Variants in LSAMP observed in about 807,000 individuals in gnomAD.
LSAMP encodes limbic system-associated membrane protein.
LSAMP carries 7 observed loss-of-function variants against 38.6 expected under a neutral mutation model. The ratio of observed to expected loss-of-function variants is 0.18; its 90% CI spans 0.10 to 0.34. LSAMP has a LOEUF of 0.34. LSAMP is among the 10% of genes least tolerant of loss of function. The pLI is 1.00. For missense variants in LSAMP, 313 were observed against 420.0 expected (o/e 0.75, Z 2.23); for synonymous variants, 154 against 166.8 (o/e 0.92, Z 0.59).
chr3:116,444,370 G>A (rs952154179), intron 1 of LSAMP, among the ~76,000 whole-genome samples: 1 of 106,206 alleles, frequency 9.4e-6, no homozygotes, highest in African/African-American at 4.1e-5. Context: ...GTGTGTATGT[G>A]TGTGTGTGTG....
At chr3:115,926,654 C>A (rs939206376) in intron 3 of LSAMP, among the ~76,000 whole-genome samples, 1 of 152,098 alleles carries the variant, frequency 6.6e-6, no homozygotes, top group South Asian at 2.1e-4. Context: ...AGGATGCAGA[C>A]GTGCATCAGG....
chr3:116,185,208 A>G (rs923427730), intron 1 of LSAMP, among the ~76,000 whole-genome samples: 1 of 151,892 alleles, frequency 6.6e-6, no homozygotes, highest in Non-Finnish European at 1.5e-5. Context: ...GATCATCTCC[A>G]GACATATTCT....
In LSAMP at chr3:115,839,385, T is replaced by C. The variant is rs549986712; in HGVS notation, c.919+2460A>G. Among the ~76,000 whole-genome samples the C allele has an allele frequency of 3.3e-5, 5 of 151,836 alleles. No homozygotes were observed. In the South Asian group the frequency reaches 1.0e-3, roughly 32 times the overall value. ...TTTTCTTTTAGAACTCTGTGAAATA[T>C]AAAGTTCTAGCTATGCAGGTTGTAA... On this transcript the variant is annotated intron_variant, in intron 6 of 6. Coordinates refer to ENST00000490035, the MANE Select transcript of LSAMP (RefSeq NM_002338.5).
intron 3 of LSAMP, among the ~76,000 whole-genome samples, chr3:115,860,616 GA>G (rs1017523811): frequency 6.6e-6 from 1 of 152,094 alleles, no homozygotes; most frequent in Non-Finnish European, 1.5e-5. Context: ...TAAATGAGGG[GA>G]AAAAAGTTGA....
intron 3 of LSAMP, among the ~76,000 whole-genome samples, chr3:115,989,585 A>T (rs1170310942): frequency 6.6e-6 from 1 of 152,100 alleles, no homozygotes; most frequent in Non-Finnish European, 1.5e-5. Context: ...CTATAGTGCT[A>T]AAGAAAAAAA....
chr3:116,327,362 C>G (rs901700929), intron 1 of LSAMP, among the ~76,000 whole-genome samples: 1 of 152,110 alleles, frequency 6.6e-6, no homozygotes, highest in Non-Finnish European at 1.5e-5. Flanking sequence ...TTTGTTTATG[C>G]TATACCTTAG....
chr3:116,096,117 T>G (rs919310012), intron 1 of LSAMP, among the ~76,000 whole-genome samples: 1 of 152,184 alleles, frequency 6.6e-6, no homozygotes, highest in African/African-American at 2.4e-5. Flanking sequence ...AAAAAACATA[T>G]AGAGCAATGC....
At chr3:116,209,578 T>C (rs1382230059) in intron 1 of LSAMP, among the ~76,000 whole-genome samples, 1 of 152,108 alleles carries the variant, frequency 6.6e-6, no homozygotes, top group Non-Finnish European at 1.5e-5. Context: ...TTTCAGTATG[T>C]GTGTATGTTT....
At chr3:115,825,326 G>T (rs900742849) in intron 6 of LSAMP, among the ~76,000 whole-genome samples, 1 of 152,206 alleles carries the variant, frequency 6.6e-6, no homozygotes, top group Non-Finnish European at 1.5e-5. Flanking sequence ...ATTCTTTGGA[G>T]TTCCAGAATG....
At chr3:116,074,367 A>G (rs1707682687) in intron 2 of LSAMP, among the ~76,000 whole-genome samples, 1 of 152,194 alleles carries the variant, frequency 6.6e-6, no homozygotes, top group Non-Finnish European at 1.5e-5. Context: ...TTCTCATGAA[A>G]TGACCTTAAC....
At chr3:116,429,864 A>G (rs1474299373) in intron 1 of LSAMP, among the ~76,000 whole-genome samples, 1 of 152,208 alleles carries the variant, frequency 6.6e-6, no homozygotes, top group East Asian at 1.9e-4. Context: ...GAGGTTGACA[A>G]CAGGTAAAGA....
At chr3:116,306,299 G>A (rs1188771177) in intron 1 of LSAMP, among the ~76,000 whole-genome samples, 2 of 152,022 alleles carry the variant, frequency 1.3e-5, no homozygotes, top group Non-Finnish European at 2.9e-5. Flanking sequence ...AATGTTTAGA[G>A]TCAGGCAGTG....
At chr3:116,152,585 AATTG>A (rs1488145773) in intron 1 of LSAMP, among the ~76,000 whole-genome samples, 11 of 152,152 alleles carry the variant, frequency 7.2e-5, no homozygotes, top group African/African-American at 2.6e-4. Context: ...TGTAACAATT[AATTG>A]ATTAATAAAT....
intron 1 of LSAMP, among the ~76,000 whole-genome samples, chr3:116,253,860 ATG>A (rs199522449): frequency 6.6e-6 from 1 of 152,210 alleles, no homozygotes; most frequent in Non-Finnish European, 1.5e-5. Flanking sequence ...CAAAGGGGCC[ATG>A]CAAGCTCATT....
chr3:116,390,758 A>T (rs2048682787), intron 1 of LSAMP, among the ~76,000 whole-genome samples: 1 of 151,456 alleles, frequency 6.6e-6, no homozygotes, highest in Non-Finnish European at 1.5e-5. Context: ...AAAAAAAAAA[A>T]AAAAAGGCAA....
chr3:116,034,358 T>A (rs1221135296), intron 2 of LSAMP, among the ~76,000 whole-genome samples: 3 of 152,068 alleles, frequency 2.0e-5, no homozygotes, highest in Admixed American at 1.3e-4. Context: ...TCTCTTCCTT[T>A]TTAATCCATG....
At chr3:116,151,473 C>T (rs1258123969) in intron 1 of LSAMP, among the ~76,000 whole-genome samples, 1 of 152,006 alleles carries the variant, frequency 6.6e-6, no homozygotes, top group Non-Finnish European at 1.5e-5. Context: ...GGTGAGTGAA[C>T]ATATAATGTA....
At chr3:115,992,338 C>T (rs1313424358) in intron 3 of LSAMP, among the ~76,000 whole-genome samples, 1 of 152,092 alleles carries the variant, frequency 6.6e-6, no homozygotes, top group South Asian at 2.1e-4. Context: ...TGATTCCCAT[C>T]TCGCTACTCT....
chr3:115,928,973 G>GTTTTTTTTTTTTTTTTTT (rs67711628), intron 3 of LSAMP, among the ~76,000 whole-genome samples: 55 of 109,908 alleles, frequency 5.0e-4, no homozygotes, highest in African/African-American at 1.3e-3. Context: ...TTTTTTGTTT[G>GTTTTTTTTTTTTTTTTTT]TTTTTTTTTT....
Sources: gnomAD v4.1 joint callset for allele counts (sites outside exome capture counted in the v4.1 genomes callset) on GRCh38, gnomAD v4.1.1 for gene constraint, MANE v1.5 for transcripts, NCBI Gene and HGNC (gene_info 2026-07-23, HGNC 2026-07-21) for gene names.